Variants in NEMF observed in about 807,000 individuals in gnomAD.
The protein encoded by NEMF is ribosome quality control complex subunit NEMF.
In NEMF, 89 loss-of-function variants were observed where a neutral mutation model predicts 162.2. That is an observed-to-expected ratio of 0.55 (90% CI 0.46 to 0.65). The LOEUF is 0.65. Among genes scored for constraint, NEMF ranks in the 30% least tolerant of loss-of-function variants. The pLI is 0.00. For missense variants in NEMF, 1,133 were observed against 1,261.9 expected, an observed-to-expected ratio of 0.90 and a Z score of 1.55; for synonymous variants, 421 against 404.5, an observed-to-expected ratio of 1.04 and a Z score of -0.49.
chr14:49,848,031 CAAAAAAAAAA>C (rs76205967), intron 3 of NEMF, among the ~76,000 whole-genome samples: 1 of 79,408 alleles, frequency 1.3e-5, no homozygotes, highest in Non-Finnish European at 2.6e-5. Context: ...GACTCTGTCT[CAAAAAAAAAA>C]AAAAAAAAGA....
At chr14:49,829,543 G>C (rs1892536674) in intron 11 of NEMF, 117 bp from the exon 12 acceptor site, 2 of 833,342 alleles carry the variant, frequency 2.4e-6, no homozygotes, top group African/African-American at 1.7e-5. Flanking sequence ...CTAGCTAGCT[G>C]AAGTTCCCAT....
chr14:49,799,814 C>T, intron 23 of NEMF, 136 bp from the exon 24 acceptor site: 1 of 695,114 alleles, frequency 1.4e-6, no homozygotes, highest in South Asian at 1.9e-5. Context: ...GTGAGAAAAA[C>T]ATACAACCAA....
intron 22 of NEMF, 128 bp downstream of exon 22, chr14:49,802,325 T>G (rs1479372661): frequency 2.2e-6 from 2 of 920,656 alleles, no homozygotes; most frequent in Non-Finnish European, 3.2e-6. Context: ...AAACAGCACG[T>G]ACTTTGGGTT....
chr14:49,799,398 A>C, intron 25 of NEMF, 77 bp downstream of exon 25: 1 of 1,199,064 alleles, frequency 8.3e-7, no homozygotes, highest in South Asian at 1.4e-5. Context: ...ACAGCTAAGT[A>C]ATCTGTGGTA....
Position 49,800,629 on chromosome 14 carries a change from C to A in NEMF, c.2163G>T (p.Met721Ile). Reference protein sequence around the residue: ...EHETPVEVELMTQVDQEDITL... With the variant: ...EHETPVEVELITQVDQEDITL... ...TGATATCCTCTTGGTCAACCTGAGT[C>A]ATGAGTTCTACTTCCACAGGAGTTT... Residue 721 changes from methionine (M) to isoleucine (I), a missense_variant, in exon 23 of 33, where the codon ATG becomes ATT. By Grantham distance (10) the Met-to-Ile change is conservative. This residue lies in a region of NEMF where 532 missense variants were observed against 578.6 expected (regional missense o/e 0.92). Transcript: ENST00000298310. 1 of 1,613,910 alleles carries A rather than the reference C, an allele frequency of 6.2e-7. No homozygotes were observed. The highest frequency in any genetic ancestry group is 8.5e-7 in the Non-Finnish European group (1 of 1,179,850).
intron 4 of NEMF, among the ~76,000 whole-genome samples, chr14:49,841,578 GAA>G (rs535773426): frequency 0.028 from 2,023 of 73,282 alleles, 28 homozygotes; most frequent in African/African-American, 0.091. Flanking sequence ...CTCGTCTTAA[GAA>G]AAAAAAAAAA....
Position 49,782,619 on chromosome 14 carries a change from T to TA in NEMF, c.*2016dup. The TA allele has an allele frequency of 1.9e-6, 3 of 1,561,216 alleles. No homozygotes were observed. The highest frequency in any genetic ancestry group is 2.3e-5 in the South Asian group (2 of 86,540). On this transcript the variant is annotated 3_prime_UTR_variant, in exon 33 of 33. Coordinates refer to ENST00000298310, the MANE Select transcript of NEMF (RefSeq NM_004713.6). Reference sequence around the variant, plus strand: ...GGTAAGTAACTTTGTACTTGGCACTTAGATTATTTAAAATTGTGTTTCCTA... The same window carrying TA: ...GGTAAGTAACTTTGTACTTGGCACTTAAGATTATTTAAAATTGTGTTTCCTA...
At chr14:49,821,669 CGTCCGGG>C (rs1892060700) in intron 16 of NEMF, among the ~76,000 whole-genome samples, 1 of 132,486 alleles carries the variant, frequency 7.5e-6, no homozygotes, top group Non-Finnish European at 1.6e-5. Flanking sequence ...CCAGCCGCCC[CGTCCGGG>C]AGGGAGGTGG....
chr14:49,807,778 T>G (rs544743886), intron 18 of NEMF, among the ~76,000 whole-genome samples: 1 of 151,346 alleles, frequency 6.6e-6, no homozygotes, highest in South Asian at 2.1e-4. Flanking sequence ...ATATATATAT[T>G]TTTTTACTAG....
intron 13 of NEMF, 70 bp downstream of exon 13, chr14:49,828,984 T>C: frequency 6.9e-7 from 1 of 1,454,726 alleles, no homozygotes; most frequent in Non-Finnish European, 9.4e-7. Context: ...AAAAAATGTT[T>C]AATACAGTGA....
chr14:49,788,860 C>G (rs1476427523), intron 28 of NEMF, among the ~76,000 whole-genome samples: 1 of 152,046 alleles, frequency 6.6e-6, no homozygotes. Context: ...CCAGGCCTCT[C>G]TGTCTTAATT....
intron 26 of NEMF, 132 bp from the exon 27 acceptor site, chr14:49,789,705 C>A: frequency 7.9e-7 from 1 of 1,272,082 alleles, no homozygotes; most frequent in Non-Finnish European, 1.1e-6. Context: ...TTATAATAAA[C>A]AATATGAAGG....
chr14:49,797,130 A>G (rs1439480110), intron 25 of NEMF, among the ~76,000 whole-genome samples: 1 of 152,232 alleles, frequency 6.6e-6, no homozygotes, highest in Non-Finnish European at 1.5e-5. Context: ...CTCAGTAAGT[A>G]TCTAGCACAG....
At chr14:49,850,290 G>A (rs531274718) in intron 3 of NEMF, among the ~76,000 whole-genome samples, 4 of 152,276 alleles carry the variant, frequency 2.6e-5, no homozygotes, top group African/African-American at 9.6e-5. Flanking sequence ...GTTTCACCAT[G>A]TTGGCTGGGC....
At chr14:49,843,832 C>T (rs1893335061) in intron 4 of NEMF, among the ~76,000 whole-genome samples, 2 of 152,234 alleles carry the variant, frequency 1.3e-5, no homozygotes, top group Admixed American at 6.5e-5. Context: ...GGCGCAGTGG[C>T]TCATGCCTGT....
At chr14:49,812,125 T>C (rs1284769966) in intron 18 of NEMF, among the ~76,000 whole-genome samples, 1 of 152,192 alleles carries the variant, frequency 6.6e-6, no homozygotes, top group East Asian at 1.9e-4. Flanking sequence ...ATTCTCTATT[T>C]CTTCTTGAGT....
chr14:49,838,848 C>T (rs61982323), intron 5 of NEMF, among the ~76,000 whole-genome samples: 6 of 151,906 alleles, frequency 3.9e-5, no homozygotes, highest in South Asian at 4.1e-4. Context: ...CCTCCCAAAG[C>T]GGTGGGATTA....
At chr14:49,852,609 T>A (rs3126160) in intron 1 of NEMF, 86 bp downstream of exon 1, 1 of 1,419,882 alleles carries the variant, frequency 7.0e-7, no homozygotes, top group Non-Finnish European at 9.9e-7. Flanking sequence ...TAAGGAAACA[T>A]ATCAAGCTGG....
At chr14:49,816,072 C>T (rs1051356530) in intron 16 of NEMF, among the ~76,000 whole-genome samples, 1 of 152,180 alleles carries the variant, frequency 6.6e-6, no homozygotes, top group African/African-American at 2.4e-5. Flanking sequence ...GACTGGCTTC[C>T]TGAGTATCCG....
Sources: allele counts gnomAD v4.1 joint callset (sites outside exome capture counted in the v4.1 genomes callset), GRCh38; gene constraint gnomAD v4.1.1; regional missense constraint gnomAD v4.1.1; transcripts MANE v1.5; gene names NCBI Gene and HGNC (gene_info 2026-07-23, HGNC 2026-07-21).